Variants in DHX36 observed in about 807,000 individuals in gnomAD.
DHX36 encodes ATP-dependent DNA/RNA helicase DHX36.
In DHX36, 50 loss-of-function variants were observed where a neutral mutation model predicts 139.0. The ratio of observed to expected loss-of-function variants is 0.36; its 90% confidence interval spans 0.29 to 0.46. The LOEUF is 0.46. Among genes scored for constraint, DHX36 ranks in the 20% least tolerant of loss-of-function variants. The probability of loss-of-function intolerance (pLI) is 1.00; values close to 1 mark genes in which losing one functional copy is unlikely to be tolerated. For missense variants in DHX36, 1,024 were observed against 1,211.3 expected, an observed-to-expected ratio of 0.85 and a Z score of 2.29; for synonymous variants, 425 against 401.9, an observed-to-expected ratio of 1.06 and a Z score of -0.69.
chr3:154,295,790 GTTCAGTCAGGGTCTCA>G (rs1305457988), intron 12 of DHX36, among the ~76,000 whole-genome samples: 1 of 152,008 alleles, frequency 6.6e-6, no homozygotes, highest in East Asian at 1.9e-4. Context: ...TTTTTTTGTT[GTTCAGTCAGGGTCTCA>G]TTCTGTTGCC....
chr3:154,303,361 T>C lies in DHX36; in HGVS notation c.1185A>G (p.Glu395=), dbSNP rs1712375618. The C allele has an allele frequency of 3.7e-6, 6 of 1,607,892 alleles. No individual in the cohort carries two copies. The East Asian group carries it at 1.3e-4, about 36-fold the overall frequency. Residue 395 remains glutamate, a synonymous_variant, in exon 9 of 25, where the codon GAA becomes GAG. Coordinates refer to ENST00000496811, the MANE Select transcript of DHX36 (RefSeq NM_020865.3). ...TTTCAATTACATCTTCCAAAAGATA[T>C]TCCACAACCGGAAAGGTAAAACCAG... The part of the protein sequence containing the change: ...HIPGFTFPVV[E]YLLEDVIEKI...
intron 12 of DHX36, among the ~76,000 whole-genome samples, chr3:154,298,282 C>T (rs1712123643): frequency 6.6e-6 from 1 of 152,086 alleles, no homozygotes; most frequent in Non-Finnish European, 1.5e-5. Flanking sequence ...TATGCACACA[C>T]ATTTTTTAAA....
At chr3:154,316,203 G>C (rs748296757) in intron 1 of DHX36, 40 bp from the exon 2 acceptor site, 1 of 1,606,814 alleles carries the variant, frequency 6.2e-7, no homozygotes, top group Non-Finnish European at 8.5e-7. Context: ...GTCAACATAA[G>C]AAAGCATATG....
intron 5 of DHX36, among the ~76,000 whole-genome samples, 156 bp from the exon 6 acceptor site, chr3:154,306,451 G>C (rs780151248): frequency 2.0e-5 from 3 of 152,144 alleles, no homozygotes; most frequent in Non-Finnish European, 2.9e-5. Context: ...AAAACAGTGT[G>C]TGCCTCTCTT....
At chr3:154,280,317 C>G in intron 22 of DHX36, 1 of 326,030 alleles carries the variant, frequency 3.1e-6, no homozygotes, top group South Asian at 1.1e-4. Flanking sequence ...AGCAGGCTGG[C>G]TCTTCTAATA....
intron 13 of DHX36, 101 bp from the exon 14 acceptor site, chr3:154,293,913 T>C: frequency 1.2e-6 from 1 of 800,076 alleles, no homozygotes; most frequent in Non-Finnish European, 2.1e-6. Context: ...ATTTTTAGCA[T>C]TCTATGTTCA....
intron 12 of DHX36, among the ~76,000 whole-genome samples, chr3:154,298,208 T>C (rs1372501436): frequency 6.6e-6 from 1 of 152,190 alleles, no homozygotes; most frequent in Non-Finnish European, 1.5e-5. Flanking sequence ...TTTCCCACTC[T>C]CCATCACATA....
chr3:154,310,833 ATATATATATATATATATATG>A (rs1712732459), intron 4 of DHX36, among the ~76,000 whole-genome samples: 1 of 81,382 alleles, frequency 1.2e-5, no homozygotes, highest in African/African-American at 4.7e-5. Context: ...ATATATATAT[ATATATATATATATATATATG>A]TATATACATA....
intron 20 of DHX36, among the ~76,000 whole-genome samples, chr3:154,281,640 T>C (rs1364929713): frequency 6.6e-6 from 1 of 152,126 alleles, no homozygotes; most frequent in African/African-American, 2.4e-5. Flanking sequence ...CAGAAATATT[T>C]CCTAAGGAAT....
Position 154,276,319 on chromosome 3 carries a change from T to C in DHX36, c.2879A>G (p.Lys960Arg), listed in dbSNP as rs777448506. The C allele has an allele frequency of 1.2e-6, 2 of 1,613,306 alleles. No individual in the cohort carries two copies. Among genetic ancestry groups the C allele is most frequent in the South Asian group, 2.2e-5 (2 of 90,810 alleles). The change falls in exon 25 of 25, where the codon AAG becomes AGG. Residue 960 changes from lysine to arginine, a missense_variant. Around this residue, in one of 4 missense-constraint regions of DHX36, gnomAD observed 470 missense variants for 616.2 expected, o/e 0.76. Coordinates refer to ENST00000496811, the MANE Select transcript of DHX36 (RefSeq NM_020865.3). ...GTCTACAGGATGAGGACTTTCAATC[T>C]TCTCTTGCAGAAGAATATCTAGTTC... ...RKELDILLQE[K>R]IESPHPVDWN...
rs375675104 is a variant in DHX36, at chr3:154,305,096, G to C, written c.966C>G (p.Asp322Glu). 7.0e-5 allele frequency: 113 copies of C among 1,613,030 alleles called. No individual in the cohort carries two copies. The highest frequency in any genetic ancestry group is 9.2e-5 in the Non-Finnish European group (108 of 1,179,674). Residue 322 changes from aspartate to glutamate, a missense_variant and splice_region_variant, in exon 7 of 25, where the codon GAC (aspartate) becomes GAG (glutamate). Physicochemically the swap from Asp to Glu is conservative, Grantham distance 45 (BLOSUM62 2). Coordinates refer to ENST00000496811, the MANE Select transcript of DHX36 (RefSeq NM_020865.3). The stretch of plus-strand genomic sequence containing the variant: ...TTCCTTAATTGAAACATACTCACGG[G>C]TCTGACTGGAGCCACTGAAGGATGA... ...TGIILQWLQSDPYLSSVSHIV... is the reference protein window; with the variant it reads ...TGIILQWLQSEPYLSSVSHIV...
intron 1 of DHX36, among the ~76,000 whole-genome samples, chr3:154,318,413 T>C (rs750570955): frequency 8.8e-4 from 134 of 152,278 alleles, no homozygotes; most frequent in Non-Finnish European, 1.7e-3. Context: ...CTCTATATTT[T>C]GTTTAGTAAA....
In DHX36 at chr3:154,276,773, G is replaced by C; in HGVS notation, c.2815C>G (p.Pro939Ala). The C allele has an allele frequency of 6.2e-7, 1 of 1,613,734 alleles. No individual in the cohort carries two copies. Among genetic ancestry groups the C allele is most frequent in the Non-Finnish European group, 8.5e-7 (1 of 1,179,890 alleles). ...TTAACAAGATGGGCAATTCTTGCTGGAGACTGAAATACAATCCACTCATCT... is the reference window on the plus strand; with the variant it reads ...TTAACAAGATGGGCAATTCTTGCTGCAGACTGAAATACAATCCACTCATCT... Reference protein sequence around the residue: ...AVDEWIVFQSPARIAHLVKEL... With the variant: ...AVDEWIVFQSAARIAHLVKEL... The change falls in exon 24 of 25, where the codon CCA (proline) becomes GCA (alanine). Residue 939 changes from proline (P) to alanine (A), a missense_variant. Coordinates refer to ENST00000496811, the MANE Select transcript of DHX36 (RefSeq NM_020865.3).
chr3:154,284,509 A>G (rs759657448), intron 19 of DHX36, 74 bp downstream of exon 19: 37 of 1,314,612 alleles, frequency 2.8e-5, no homozygotes, highest in African/African-American at 4.5e-5. Flanking sequence ...AAGGTTAAAT[A>G]TGATCCTTAT....
rs538580296 is a variant in DHX36, at chr3:154,285,807, AT to A, written c.2032-821del. ...AACAGTTTTGGAGAAAATACACTTA[AT>A]TTTTTTTTTTTTAAAAGACCTCTTT... is the stretch of plus-strand genomic sequence containing the variant. On this transcript the variant is annotated intron_variant, in intron 17 of 24. Transcript: ENST00000496811. Among the ~76,000 whole-genome samples the A allele has an allele frequency of 4.5e-3, 656 of 147,208 alleles. 1 individual carries two copies. Among genetic ancestry groups the A allele is most frequent in the African/African-American group, 7.4e-3 (301 of 40,478 alleles).
In DHX36 at chr3:154,288,920, C is replaced by T; in HGVS notation, c.1977G>A (p.Met659Ile). 1 of 1,589,852 alleles carries T rather than the reference C, an allele frequency of 6.3e-7. No individual in the cohort carries two copies. The highest frequency in any genetic ancestry group is 8.6e-7 in the Non-Finnish European group (1 of 1,166,920). The change falls in exon 17 of 25, where the codon ATG (methionine) becomes ATA (isoleucine). Residue 659 changes from methionine (M) to isoleucine (I), a missense_variant. Met to Ile is a conservative substitution (Grantham distance 10, BLOSUM62 1). Around this residue, in one of 4 missense-constraint regions of DHX36, gnomAD observed 470 missense variants for 616.2 expected, o/e 0.76. Coordinates refer to ENST00000496811, the MANE Select transcript of DHX36 (RefSeq NM_020865.3). ...GGIAYFLSRL[M>I]DPPSNEAVLL... ...ACACTGCCTCATTTGATGGTGGGTC[C>T]ATTAATCTACTCAGAAAATAAGCAA...
At chr3:154,291,749 G>A (rs1174199199) in intron 15 of DHX36, among the ~76,000 whole-genome samples, 2 of 152,114 alleles carry the variant, frequency 1.3e-5, no homozygotes, top group African/African-American at 4.8e-5. Context: ...AAGATTAATG[G>A]AAATCTCTCA....
At chr3:154,306,399 C>A in intron 5 of DHX36, 104 bp from the exon 6 acceptor site, 2 of 892,540 alleles carry the variant, frequency 2.2e-6, no homozygotes, top group Non-Finnish European at 1.8e-6. Context: ...CTTCAGATTT[C>A]TAAATGAGTT....
At chr3:154,283,044 TCCC>T (rs1443364514) in intron 20 of DHX36, 141 bp downstream of exon 20, 2 of 535,530 alleles carry the variant, frequency 3.7e-6, no homozygotes, top group Non-Finnish European at 6.7e-6. Flanking sequence ...TTCAGAAAGA[TCCC>T]CCATTACTTT....
Sources: gnomAD v4.1 joint callset for allele counts (sites outside exome capture counted in the v4.1 genomes callset) on GRCh38, gnomAD v4.1.1 for gene constraint, gnomAD v4.1.1 regional missense constraint, MANE v1.5 for transcripts, NCBI Gene and HGNC (gene_info 2026-07-23, HGNC 2026-07-21) for gene names.